The following IMPG1 variants were observed in gnomAD, a reference collection of about 807,000 sequenced individuals.
IMPG1 encodes interphotoreceptor matrix proteoglycan 1.
In IMPG1, 85 loss-of-function variants were observed where a neutral mutation model predicts 92.0. The observed-to-expected ratio is 0.92, with a 90% CI of 0.78 to 1.11. IMPG1 has a LOEUF of 1.11. IMPG1 is among the 50% of genes least tolerant of loss of function. The pLI, the probability that IMPG1 is intolerant of heterozygous loss-of-function variation, is 0.00. For missense variants in IMPG1, 1,022 were observed against 956.0 expected, an observed-to-expected ratio of 1.07 and a Z score of -0.91; for synonymous variants, 367 against 334.1, an observed-to-expected ratio of 1.10 and a Z score of -1.08.
At chr6:76,033,706 A>G (rs933577564) in intron 4 of IMPG1, among the ~76,000 whole-genome samples, 1 of 152,242 alleles carries the variant, frequency 6.6e-6, no homozygotes, top group South Asian at 2.1e-4. Flanking sequence ...TATTATCTTC[A>G]GATTTAGACT....
intron 2 of IMPG1, among the ~76,000 whole-genome samples, chr6:76,037,138 G>C (rs1783754107): frequency 6.6e-6 from 1 of 152,190 alleles, no homozygotes; most frequent in South Asian, 2.1e-4. Context: ...AAAGGACCGT[G>C]GGGAGGAATA....
chr6:76,063,988 G>T (rs1784256558), intron 1 of IMPG1, among the ~76,000 whole-genome samples: 1 of 152,126 alleles, frequency 6.6e-6, no homozygotes, highest in African/African-American at 2.4e-5. Context: ...GAAGAGTATG[G>T]TCCACCCCAG....
At chr6:75,979,441 T>G (rs1443077263) in intron 12 of IMPG1, among the ~76,000 whole-genome samples, 1 of 152,174 alleles carries the variant, frequency 6.6e-6, no homozygotes, top group East Asian at 1.9e-4. Context: ...CACAGGACAA[T>G]GGCCCTGCTG....
chr6:75,995,785 T>C (rs1451376712), intron 12 of IMPG1, among the ~76,000 whole-genome samples: 3 of 152,226 alleles, frequency 2.0e-5, no homozygotes, highest in East Asian at 3.8e-4. Context: ...TTGGTTGTAT[T>C]GGTTTCCTTC....
chr6:76,002,184 T>C (rs1783003627), intron 12 of IMPG1, among the ~76,000 whole-genome samples: 1 of 152,176 alleles, frequency 6.6e-6, no homozygotes. Flanking sequence ...CAGGGCTCTA[T>C]AGAGTGGAAA....
intron 4 of IMPG1, among the ~76,000 whole-genome samples, chr6:76,029,290 C>T (rs1004343702): frequency 3.3e-5 from 5 of 152,214 alleles, no homozygotes; most frequent in African/African-American, 1.2e-4. Context: ...AAGGTCTCAC[C>T]TGAGAGTCCT....
At chr6:75,966,899 C>T (rs144264348) in intron 12 of IMPG1, among the ~76,000 whole-genome samples, 32 of 152,168 alleles carry the variant, frequency 2.1e-4, no homozygotes, top group African/African-American at 7.0e-4. Context: ...CAAACAAGGC[C>T]GGGCATGATG....
chr6:76,062,294 A>T (rs1342285593), intron 1 of IMPG1, among the ~76,000 whole-genome samples: 1 of 152,222 alleles, frequency 6.6e-6, no homozygotes, highest in African/African-American at 2.4e-5. Context: ...AATTAGTAAC[A>T]ATTAGTTTTC....
rs116250493 is a variant in IMPG1, at chr6:76,033,848, G to A, written c.497+467C>T. Reference sequence around the variant, plus strand: ...TTTTGATTTTCTTATTTGATATTCAGTTCTTGTTGAGGATATAACTTAGAG... The same window carrying A: ...TTTTGATTTTCTTATTTGATATTCAATTCTTGTTGAGGATATAACTTAGAG... On this transcript the variant is annotated intron_variant, in intron 4 of 16. Transcript: ENST00000369950. Among the ~76,000 whole-genome samples, 1,332 of 151,970 alleles carry A rather than the reference G, an allele frequency of 8.8e-3. 21 individuals carry two copies. Among genetic ancestry groups the A allele is most frequent in the African/African-American group, 0.03 (1,251 of 41,444 alleles).
intron 1 of IMPG1, among the ~76,000 whole-genome samples, chr6:76,057,601 G>A (rs1237074726): frequency 6.6e-6 from 1 of 152,088 alleles, no homozygotes; most frequent in Non-Finnish European, 1.5e-5. Flanking sequence ...TGTCCAAATG[G>A]GAGGGGTAAA....
intron 14 of IMPG1, among the ~76,000 whole-genome samples, chr6:75,945,631 G>A (rs1207731187): frequency 6.6e-6 from 1 of 152,120 alleles, no homozygotes; most frequent in Non-Finnish European, 1.5e-5. Context: ...GATTATGGGT[G>A]TGAGCCACCA....
chr6:76,065,594 C>G (rs1784296148), intron 1 of IMPG1, among the ~76,000 whole-genome samples: 1 of 151,922 alleles, frequency 6.6e-6, no homozygotes, highest in Non-Finnish European at 1.5e-5. Context: ...GTAAAACATC[C>G]AAACCTATAT....
At chr6:76,068,806 C>A (rs563910400) in intron 1 of IMPG1, among the ~76,000 whole-genome samples, 1 of 151,900 alleles carries the variant, frequency 6.6e-6, no homozygotes, top group Non-Finnish European at 1.5e-5. Flanking sequence ...CGTGAGCCAA[C>A]GCACCAGGAA....
chr6:75,993,250 G>C (rs567000617), intron 12 of IMPG1, among the ~76,000 whole-genome samples: 2 of 152,178 alleles, frequency 1.3e-5, no homozygotes, highest in Non-Finnish European at 2.9e-5. Flanking sequence ...CATATGTAAC[G>C]GGGCATTGGT....
At chr6:76,009,433 GT>G (rs1195695003) in intron 8 of IMPG1, among the ~76,000 whole-genome samples, 2 of 152,094 alleles carry the variant, frequency 1.3e-5, no homozygotes, top group Admixed American at 6.5e-5. Context: ...GACTCACAGG[GT>G]TTTTGGTCTT....
intron 1 of IMPG1, among the ~76,000 whole-genome samples, chr6:76,066,315 GCTTATAAA>G (rs1554240289): frequency 2.6e-5 from 4 of 151,928 alleles, no homozygotes; most frequent in Non-Finnish European, 4.4e-5. Context: ...ATGATGTGCT[GCTTATAAA>G]AAACTTGGTA....
chr6:75,965,571 T>C (rs1027994410), intron 12 of IMPG1, among the ~76,000 whole-genome samples: 5 of 151,684 alleles, frequency 3.3e-5, no homozygotes, highest in Non-Finnish European at 7.4e-5. Flanking sequence ...TTTTTAATTG[T>C]TATGAGAATT....
In IMPG1 at chr6:76,067,508, A is replaced by G. The variant is rs554487721; in HGVS notation, c.67+4914T>C. On this transcript the variant is annotated intron_variant, in intron 1 of 16. Coordinates refer to ENST00000369950, the MANE Select transcript of IMPG1 (RefSeq NM_001563.4). ...CCAGGAAGAAATAGAAATCCTGAAT[A>G]GAACAATAATGAATAGTGAGGTTGA... Among the ~76,000 whole-genome samples, 3 of 152,280 alleles carry G rather than the reference A, an allele frequency of 2.0e-5. No homozygotes were observed. The East Asian group carries it at 5.8e-4, about 29-fold the overall frequency.
At chr6:75,964,675 C>CAAAAAAA (rs75154439) in intron 12 of IMPG1, among the ~76,000 whole-genome samples, 9 of 81,754 alleles carry the variant, frequency 1.1e-4, no homozygotes, top group African/African-American at 3.0e-4. Flanking sequence ...AGACTAGTCT[C>CAAAAAAA]AAAAAAAAAA....
Sources: gnomAD v4.1 joint callset for allele counts (sites outside exome capture counted in the v4.1 genomes callset) on GRCh38, gnomAD v4.1.1 for gene constraint, MANE v1.5 for transcripts, NCBI Gene and HGNC (gene_info 2026-07-23, HGNC 2026-07-21) for gene names.